PARD3B: variants seen among roughly 807,000 people sequenced by gnomAD.
PARD3B encodes the protein par-3 family cell polarity regulator beta.
PARD3B carries 103 observed loss-of-function variants against 130.2 expected under a neutral mutation model. The ratio of observed to expected loss-of-function variants is 0.79; its 90% CI spans 0.67 to 0.93. The LOEUF is 0.93. Ranked by LOEUF, PARD3B falls within the 40% of genes least tolerant of loss-of-function variation. The pLI is 0.00. For missense variants in PARD3B, 1,609 were observed against 1,499.2 expected, an observed-to-expected ratio of 1.07 and a Z score of -1.21; for synonymous variants, 583 against 553.2, an observed-to-expected ratio of 1.05 and a Z score of -0.76.
chr2:204,853,910 G>T (rs1299649166), intron 2 of PARD3B, among the ~76,000 whole-genome samples: 5 of 152,214 alleles, frequency 3.3e-5, no homozygotes, highest in Non-Finnish European at 5.9e-5. Flanking sequence ...AGGAGTTAGA[G>T]AGGATAGAGG....
intron 2 of PARD3B, among the ~76,000 whole-genome samples, chr2:204,749,630 C>A (rs2040383063): frequency 6.6e-6 from 1 of 152,100 alleles, no homozygotes; most frequent in Non-Finnish European, 1.5e-5. Context: ...GATTAGAGAT[C>A]TGAATTATAT....
intron 1 of PARD3B, among the ~76,000 whole-genome samples, chr2:204,608,125 G>A (rs1328426138): frequency 1.3e-5 from 2 of 152,186 alleles, no homozygotes; most frequent in African/African-American, 4.8e-5. Flanking sequence ...AAGAGTGGAT[G>A]TATTGGTGGC....
At chr2:204,807,606 A>G (rs2042818205) in intron 2 of PARD3B, among the ~76,000 whole-genome samples, 1 of 152,168 alleles carries the variant, frequency 6.6e-6, no homozygotes, top group Admixed American at 6.6e-5. Flanking sequence ...GGATTCATCA[A>G]CGGATGGATA....
At chr2:204,709,544 C>T (rs532870046) in intron 2 of PARD3B, among the ~76,000 whole-genome samples, 2 of 152,276 alleles carry the variant, frequency 1.3e-5, no homozygotes, top group Admixed American at 6.5e-5. Context: ...GTACATACTA[C>T]CTTTGGCTCT....
chr2:204,791,291 G>A (rs1326453931), intron 2 of PARD3B, among the ~76,000 whole-genome samples: 1 of 152,068 alleles, frequency 6.6e-6, no homozygotes, highest in African/African-American at 2.4e-5. Context: ...TCTACATTTA[G>A]GTCTCATTCT....
intron 21 of PARD3B, among the ~76,000 whole-genome samples, chr2:205,544,696 T>C (rs1030621150): frequency 1.3e-5 from 2 of 152,178 alleles, no homozygotes; most frequent in Non-Finnish European, 2.9e-5. Flanking sequence ...ATTTCATGCT[T>C]AAATCCCAAT....
intron 1 of PARD3B, among the ~76,000 whole-genome samples, chr2:204,549,347 A>G (rs2030271498): frequency 6.6e-6 from 1 of 152,176 alleles, no homozygotes; most frequent in South Asian, 2.1e-4. Flanking sequence ...TTGTTAGTGG[A>G]GAAGTGATTG....
At position 204,814,372 on chromosome 2, in the gene PARD3B, A is replaced by G. The variant is rs530393912; in HGVS notation, c.222+128090A>G. On this transcript the variant is annotated intron_variant, in intron 2 of 22. Transcript: ENST00000406610. ...TTATATATCATGTACAATTATATAT[A>G]AAATATAGATGATATATAACACAAA... Among the ~76,000 whole-genome samples, 66 of 151,874 alleles carry G rather than the reference A, an allele frequency of 4.3e-4. 1 individual carries two copies. Among genetic ancestry groups the G allele is most frequent in the African/African-American group, 1.5e-3 (61 of 41,528 alleles).
At chr2:205,398,039 C>T (rs1260766505) in intron 18 of PARD3B, among the ~76,000 whole-genome samples, 7 of 152,290 alleles carry the variant, frequency 4.6e-5, no homozygotes, top group Non-Finnish European at 7.4e-5. Flanking sequence ...TGGCTCACAC[C>T]TGTAATCCCA....
Position 205,395,700 on chromosome 2 carries a change from C to CT in PARD3B, c.2631-5310dup, listed in dbSNP as rs200138474. ...CTTCTCTAGTTCAAGCCACTGTCAT[C>CT]TTTCACCGATTCCTGCAGGGATCCC... On this transcript the variant is annotated intron_variant, in intron 18 of 22. Coordinates refer to ENST00000406610, the MANE Select transcript of PARD3B (RefSeq NM_001302769.2). Among the ~76,000 whole-genome samples the CT allele has an allele frequency of 5.2e-4, 79 of 152,340 alleles. 3 individuals carry two copies. The East Asian group carries it at 0.015, about 29-fold the overall frequency.
intron 16 of PARD3B, among the ~76,000 whole-genome samples, chr2:205,260,607 C>T (rs1427719610): frequency 6.6e-6 from 1 of 152,074 alleles, no homozygotes; most frequent in African/African-American, 2.4e-5. Flanking sequence ...GGAGTACTGG[C>T]AGGACACTGC....
intron 18 of PARD3B, among the ~76,000 whole-genome samples, chr2:205,346,353 T>TA (rs1194549576): frequency 6.6e-6 from 1 of 152,056 alleles, no homozygotes; most frequent in Non-Finnish European, 1.5e-5. Context: ...TCATAGTCTC[T>TA]ACCTTGCCTC....
At chr2:205,211,411 A>G (rs1176314823) in intron 15 of PARD3B, among the ~76,000 whole-genome samples, 1 of 152,066 alleles carries the variant, frequency 6.6e-6, no homozygotes, top group Non-Finnish European at 1.5e-5. Context: ...ATGCCAGGTA[A>G]TGTTCCAAAT....
intron 22 of PARD3B, among the ~76,000 whole-genome samples, chr2:205,583,537 G>A (rs112272866): frequency 4.7e-4 from 72 of 152,310 alleles, no homozygotes; most frequent in African/African-American, 1.7e-3. Context: ...TGCTCATTGT[G>A]TGCTAGGCGC....
chr2:204,982,858 T>G (rs1692793017), intron 3 of PARD3B, among the ~76,000 whole-genome samples: 1 of 152,220 alleles, frequency 6.6e-6, no homozygotes, highest in African/African-American at 2.4e-5. Flanking sequence ...GAATTTGTAG[T>G]ATACTCTGTA....
intron 2 of PARD3B, among the ~76,000 whole-genome samples, chr2:204,782,421 T>C (rs2041868892): frequency 6.6e-6 from 1 of 151,572 alleles, no homozygotes; most frequent in Non-Finnish European, 1.5e-5. Flanking sequence ...GTATGTATTG[T>C]GTGTAATATA....
chr2:204,894,734 C>A (rs2046581826), intron 2 of PARD3B, among the ~76,000 whole-genome samples: 1 of 151,930 alleles, frequency 6.6e-6, no homozygotes, highest in Non-Finnish European at 1.5e-5. Flanking sequence ...CAGGGTTGGA[C>A]ATTTAAAGGG....
chr2:205,104,580 T>A, intron 5 of PARD3B, 66 bp downstream of exon 5: 1 of 1,112,450 alleles, frequency 9.0e-7, no homozygotes, highest in Non-Finnish European at 1.3e-6. Context: ...TAATAGTTTA[T>A]AATTGTTCTT....
chr2:205,616,218 C>G lies in PARD3B; in HGVS notation c.*405C>G. On this transcript the variant is annotated 3_prime_UTR_variant, in exon 23 of 23. Transcript: ENST00000406610. ...CTGAGACTGGCGGTCCAGAGGCAGT[C>G]TCTGCCAGGCAGCATTACCCGCTCC... 1 of 173,924 alleles carries G rather than the reference C, an allele frequency of 5.7e-6. No individual in the cohort carries two copies. Among genetic ancestry groups the G allele is most frequent in the Non-Finnish European group, 1.2e-5 (1 of 83,066 alleles). 10.8% of individuals were successfully genotyped at this position (173,924 alleles called of 1,614,324 possible).
Sources: allele counts gnomAD v4.1 joint callset (sites outside exome capture counted in the v4.1 genomes callset), GRCh38; gene constraint gnomAD v4.1.1; transcripts MANE v1.5; gene names NCBI Gene and HGNC (gene_info 2026-07-23, HGNC 2026-07-21).